STOX2: variants seen among roughly 807,000 people sequenced by gnomAD.
STOX2 encodes the protein storkhead box 2.
STOX2 carries 28 observed loss-of-function variants against 60.9 expected under a neutral mutation model. The ratio of observed to expected loss-of-function variants is 0.46; its 90% CI spans 0.34 to 0.63. STOX2 has a LOEUF of 0.63. Among genes scored for constraint, STOX2 ranks in the 30% least tolerant of loss-of-function variants. STOX2 has a pLI of 0.01. For synonymous variants in STOX2, 472 were observed against 463.9 expected, an observed-to-expected ratio of 1.02 and a Z score of -0.22; for missense variants, 1,024 against 1,187.7, an observed-to-expected ratio of 0.86 and a Z score of 2.03.
intron 1 of STOX2, among the ~76,000 whole-genome samples, chr4:183,929,572 G>A (rs1485456498): frequency 6.6e-6 from 1 of 152,116 alleles, no homozygotes; most frequent in African/African-American, 2.4e-5. Context: ...TTGAATCTCT[G>A]GCCATGGATC....
Position 183,867,138 on chromosome 4 carries a change from T to C in STOX2, c.364+69083T>C, listed in dbSNP as rs1017446527. 3.9e-5 allele frequency among the ~76,000 whole-genome samples: 6 copies of C among 152,188 alleles called. No homozygotes were observed. The East Asian group carries it at 9.6e-4, about 24-fold the overall frequency. On this transcript the variant is annotated intron_variant, in intron 1 of 2. Coordinates refer to the STOX2 transcript ENST00000513034. ...TGCCTATAAGCAACTGTACAGAGTT[T>C]AGAGTGGATCAAGGTGGTGACATGT...
At chr4:183,900,051 A>G (rs1468257702) in intron 1 of STOX2, among the ~76,000 whole-genome samples, 1 of 152,238 alleles carries the variant, frequency 6.6e-6, no homozygotes, top group Non-Finnish European at 1.5e-5. Flanking sequence ...CTTATGCTCT[A>G]TAAATGGAAC....
At chr4:183,896,590 C>T (rs1398605059) in intron 1 of STOX2, among the ~76,000 whole-genome samples, 5 of 152,214 alleles carry the variant, frequency 3.3e-5, no homozygotes, top group Non-Finnish European at 5.9e-5. Flanking sequence ...GATCCTCCCA[C>T]CTTGGCCTCC....
chr4:183,874,818 C>T (rs896266502), intron 1 of STOX2, among the ~76,000 whole-genome samples: 12 of 143,828 alleles, frequency 8.3e-5, no homozygotes, highest in East Asian at 6.6e-4. Context: ...CCCAGCTACG[C>T]GGGAGGCTGA....
chr4:183,804,672 A>G (rs1413483032), intron 1 of STOX2, among the ~76,000 whole-genome samples: 2 of 152,270 alleles, frequency 1.3e-5, no homozygotes, highest in African/African-American at 4.8e-5. Context: ...AAGTCTAAAC[A>G]GTGAACAAGG....
intron 1 of STOX2, among the ~76,000 whole-genome samples, chr4:183,895,484 A>G (rs1400444790): frequency 6.6e-6 from 1 of 152,124 alleles, no homozygotes; most frequent in East Asian, 1.9e-4. Context: ...ATAAAGTGAA[A>G]TCTCCCCTGG....
intron 1 of STOX2, among the ~76,000 whole-genome samples, chr4:183,870,329 G>A (rs1260305776): frequency 1.2e-4 from 18 of 152,190 alleles, no homozygotes; most frequent in Non-Finnish European, 1.3e-4. Flanking sequence ...TTGTAGTAAC[G>A]AAAAGCGTTG....
chr4:183,857,919 T>A (rs1328375227), intron 1 of STOX2, among the ~76,000 whole-genome samples: 1 of 152,210 alleles, frequency 6.6e-6, no homozygotes, highest in African/African-American at 2.4e-5. Flanking sequence ...CTTCTCTCCC[T>A]ACAGGAGTCA....
At chr4:183,971,930 A>T (rs2111176499) in intron 1 of STOX2, among the ~76,000 whole-genome samples, 1 of 152,314 alleles carries the variant, frequency 6.6e-6, no homozygotes. Flanking sequence ...AAGTTCCACT[A>T]AACTGTATCA....
At chr4:183,984,648 A>G (rs1253535683) in intron 1 of STOX2, among the ~76,000 whole-genome samples, 1 of 152,218 alleles carries the variant, frequency 6.6e-6, no homozygotes, top group Non-Finnish European at 1.5e-5. Context: ...ATGCGAGACC[A>G]TTAGCCATCA....
chr4:183,971,826 G>A (rs1346930515), intron 1 of STOX2, among the ~76,000 whole-genome samples: 3 of 152,214 alleles, frequency 2.0e-5, no homozygotes, highest in African/African-American at 7.2e-5. Context: ...AAGTAGTGAT[G>A]GATTCTTCTT....
At position 183,806,265 on chromosome 4, in the gene STOX2, C is replaced by T. The variant is rs17294478; in HGVS notation, c.364+8210C>T. Among the ~76,000 whole-genome samples the T allele has an allele frequency of 0.16, 23,974 of 152,160 alleles. 1,957 individuals carry two copies. Among genetic ancestry groups the T allele is most frequent in the African/African-American group, 0.17 (6,945 of 41,506 alleles). On this transcript the variant is annotated intron_variant, in intron 1 of 2. Transcript: ENST00000513034. The surrounding 1 kb of genome is among the most constrained non-coding windows in gnomAD (Gnocchi z 4.1). ...CCATCTGTCAGTGTAAAATGACTTGCTTCTGTAAGCAGGATGTCACCTCCC... is the reference window on the plus strand; with the variant it reads ...CCATCTGTCAGTGTAAAATGACTTGTTTCTGTAAGCAGGATGTCACCTCCC...
chr4:183,811,259 GT>G (rs1313156208), intron 1 of STOX2, among the ~76,000 whole-genome samples: 1 of 152,144 alleles, frequency 6.6e-6, no homozygotes, highest in Non-Finnish European at 1.5e-5. Flanking sequence ...AATTGGAATT[GT>G]TTTTGTTTGT....
chr4:183,943,986 G>A (rs1358330617), intron 1 of STOX2, among the ~76,000 whole-genome samples: 1 of 152,358 alleles, frequency 6.6e-6, no homozygotes, highest in Non-Finnish European at 1.5e-5. Flanking sequence ...ATTCAAAGAT[G>A]TCTCAAAGTC....
chr4:184,006,521 G>C (rs917601902), intron 2 of STOX2, among the ~76,000 whole-genome samples: 19 of 151,330 alleles, frequency 1.3e-4, no homozygotes, highest in Non-Finnish European at 2.7e-4. Context: ...ACCAACCTGG[G>C]GGGCAACATG....
At chr4:183,898,648 A>G (rs1476237511) in intron 1 of STOX2, among the ~76,000 whole-genome samples, 1 of 152,200 alleles carries the variant, frequency 6.6e-6, no homozygotes, top group Non-Finnish European at 1.5e-5. Flanking sequence ...AATCCAGAGA[A>G]CACCCAGTAC....
chr4:183,884,425 C>T (rs1741033940), intron 1 of STOX2, among the ~76,000 whole-genome samples: 1 of 151,888 alleles, frequency 6.6e-6, no homozygotes, highest in East Asian at 1.9e-4. Context: ...ATCGCTTGAG[C>T]TCAGGAGTTC....
chr4:183,944,184 C>A (rs1375710888), intron 1 of STOX2, among the ~76,000 whole-genome samples: 1 of 152,102 alleles, frequency 6.6e-6, no homozygotes. Context: ...AGTTACTTAT[C>A]TGTTCATCCC....
chr4:183,899,421 A>G (rs2111071913), intron 1 of STOX2, among the ~76,000 whole-genome samples: 1 of 152,352 alleles, frequency 6.6e-6, no homozygotes, highest in South Asian at 2.1e-4. Context: ...CCAAGTTATG[A>G]ATGCCACGAA....
Sources: allele counts gnomAD v4.1 joint callset (sites outside exome capture counted in the v4.1 genomes callset), GRCh38; gene constraint gnomAD v4.1.1; non-coding constraint Gnocchi (gnomAD v3.1); transcripts MANE v1.5; gene names NCBI Gene and HGNC (gene_info 2026-07-23, HGNC 2026-07-21).